Variants in CHD1L observed in about 807,000 individuals in gnomAD.
CHD1L encodes ATP-dependent chromatin remodeler CHD1L.
CHD1L carries 118 observed loss-of-function variants against 115.9 expected under a neutral mutation model. The ratio of observed to expected loss-of-function variants is 1.02; its 90% confidence interval spans 0.88 to 1.19. CHD1L has a LOEUF of 1.19. CHD1L is among the 50% of genes most tolerant of loss of function. The pLI is 0.00. For synonymous variants in CHD1L, 411 were observed against 387.1 expected, an observed-to-expected ratio of 1.06 and a Z score of -0.72; for missense variants, 1,179 against 1,065.3, an observed-to-expected ratio of 1.11 and a Z score of -1.49.
chr1:147,181,657 G>C, the CHD1L span, among the ~76,000 whole-genome samples: 1 of 152,184 alleles, frequency 6.6e-6, no homozygotes, highest in African/African-American at 2.4e-5. Context: ...TTCAGAAAAG[G>C]CAAGTCACCA....
chr1:147,242,425 G>C (rs1379372664), upstream of CHD1L, among the ~76,000 whole-genome samples: 2 of 152,228 alleles, frequency 1.3e-5, no homozygotes, highest in Non-Finnish European at 2.9e-5. Flanking sequence ...TTGACGGGCA[G>C]TTCAGGCAAT....
At chr1:147,225,276 C>T in the CHD1L span, 1 of 925,610 alleles carries the variant, frequency 1.1e-6, no homozygotes, top group Non-Finnish European at 1.5e-6. Flanking sequence ...TGCTGCGGTA[C>T]CGGATCTCAC....
intron 1 of CHD1L, 146 bp from the exon 2 acceptor site, chr1:147,252,477 T>C: frequency 1.7e-6 from 1 of 581,532 alleles, no homozygotes; most frequent in Non-Finnish European, 3.0e-6. Flanking sequence ...TGTTTAGATA[T>C]CCATAACTCC....
rs782283956 is a variant in CHD1L, at chr1:147,291,519, TGA to T, written c.2359_2360del (p.Asp787Ter). The T allele has an allele frequency of 1.9e-6, 3 of 1,613,906 alleles. No homozygotes were observed. The African/African-American group carries it at 4.0e-5, about 22-fold the overall frequency. ...LGGVLLFPVD[D>X]KESRNKGQDL... ...GAGGTGTCCTTTTATTTCCTGTTGA[TGA>T]TAAAGAATCAAGAAACAAAGGGCAA... On this transcript the variant is annotated frameshift_variant, in exon 20 of 23. Transcript: ENST00000369258. LOFTEE classifies it high-confidence loss of function.
At chr1:147,173,685 T>A in the CHD1L span, 1 of 152,220 alleles carries the variant, frequency 6.6e-6, no homozygotes, top group South Asian at 2.1e-4. Context: ...TAGAAACGTT[T>A]ATCACTCTGT....
chr1:147,200,197 T>C, the CHD1L span, among the ~76,000 whole-genome samples: 1 of 152,226 alleles, frequency 6.6e-6, no homozygotes, highest in African/African-American at 2.4e-5. Context: ...GGTAAGCTGA[T>C]GTGTAACCCT....
chr1:147,175,072 G>A, the CHD1L span: 1 of 152,124 alleles, frequency 6.6e-6, no homozygotes, highest in African/African-American at 2.4e-5. Context: ...GCATCTGGAG[G>A]TTTATATTCC....
In CHD1L at chr1:147,286,417, A is replaced by G; in HGVS notation, c.2138A>G (p.Asp713Gly). 6.2e-7 allele frequency: 1 copy of G among 1,614,158 alleles called. No homozygotes were observed. Among genetic ancestry groups the G allele is most frequent in the East Asian group, 2.2e-5 (1 of 44,870 alleles). ...GCTGAGCTGGATTACCAAGACCCAG[A>G]TGCTACTTCCCTCAAGTACGTTAGT... ...SSAELDYQDP[D>G]ATSLKYVSGD... The change falls in exon 18 of 23, where the codon GAT becomes GGT. Residue 713 changes from aspartate to glycine, a missense_variant. Asp to Gly is a moderately conservative substitution (Grantham distance 94). Transcript: ENST00000369258.
chr1:147,281,899 TCTAG>T (rs1473248335), intron 15 of CHD1L, among the ~76,000 whole-genome samples: 1 of 152,236 alleles, frequency 6.6e-6, no homozygotes, highest in Non-Finnish European at 1.5e-5. Flanking sequence ...AATCATTAAA[TCTAG>T]CTAATGAACA....
chr1:147,282,390 A>C (rs189369924), intron 15 of CHD1L, among the ~76,000 whole-genome samples: 16 of 152,178 alleles, frequency 1.1e-4, no homozygotes, highest in Admixed American at 3.9e-4. Flanking sequence ...ATCTTCTCTC[A>C]ATTCCCCGCT....
intron 1 of CHD1L, among the ~76,000 whole-genome samples, chr1:147,249,227 T>C (rs1284071852): frequency 1.3e-5 from 2 of 152,168 alleles, no homozygotes; most frequent in African/African-American, 4.8e-5. Context: ...TTTCGATATT[T>C]GAAACATGTT....
the CHD1L span, among the ~76,000 whole-genome samples, chr1:147,234,723 G>C: frequency 4.8e-3 from 733 of 152,340 alleles, 1 homozygote; most frequent in African/African-American, 0.017. Flanking sequence ...CGTTCATCAA[G>C]ATGGGGAAGG....
chr1:147,286,247 G>A (rs376095024), intron 17 of CHD1L, 51 bp from the exon 18 acceptor site: 196 of 1,575,358 alleles, frequency 1.2e-4, no homozygotes, highest in Non-Finnish European at 1.6e-4. Context: ...GTGCTCCAAG[G>A]GAAATTGTGA....
the CHD1L span, chr1:147,186,854 G>A: frequency 6.4e-7 from 1 of 1,572,856 alleles, no homozygotes; most frequent in South Asian, 1.2e-5. Context: ...GAAGGCATCT[G>A]TAGATAAGCT....
the CHD1L span, among the ~76,000 whole-genome samples, chr1:147,194,278 T>C: frequency 6.6e-6 from 1 of 152,188 alleles, no homozygotes; most frequent in Non-Finnish European, 1.5e-5. Context: ...TCTTTGTCTC[T>C]TTAGATCTTT....
At chr1:147,283,712 T>C (rs1553963402) in intron 15 of CHD1L, among the ~76,000 whole-genome samples, 1 of 152,150 alleles carries the variant, frequency 6.6e-6, no homozygotes, top group African/African-American at 2.4e-5. Flanking sequence ...TCTCCACCCT[T>C]CTAGAGACCC....
At chr1:147,256,358 CTT>C (rs113079049) in intron 4 of CHD1L, among the ~76,000 whole-genome samples, 171 bp from the exon 5 acceptor site, 37,059 of 151,992 alleles carry the variant, frequency 0.24, 4,831 homozygotes, top group Non-Finnish European at 0.29. Flanking sequence ...AGGCTTTTCT[CTT>C]TGTTTTTAAG....
upstream of CHD1L, chr1:147,242,506 C>G (rs1665014637): frequency 2.1e-6 from 1 of 480,064 alleles, no homozygotes; most frequent in Admixed American, 4.5e-5. Context: ...GCAGCCCTTC[C>G]ACGCTCCGCA....
chr1:147,259,963 T>A lies in CHD1L; in HGVS notation c.576+45T>A, dbSNP rs1553942939. ...TTAGTTTTTATATAACCCCTTCTTT[T>A]TAAATATACATTATATTTTAGAGTA... On this transcript the variant is annotated intron_variant, in intron 6 of 22. Transcript: ENST00000369258. The A allele has an allele frequency of 2.9e-6, 4 of 1,367,558 alleles. 1 individual carries two copies. In the South Asian group the frequency reaches 4.9e-5, roughly 17 times the overall value. The allele number at this position is 1,367,558 out of a possible 1,614,324, so 84.7% of individuals were successfully genotyped here. A position where few individuals can be genotyped will look rare whatever the true frequency, so the allele number is the denominator to read the frequency against.
Sources: gnomAD v4.1 joint callset for allele counts (sites outside exome capture counted in the v4.1 genomes callset) on GRCh38, gnomAD v4.1.1 for gene constraint, MANE v1.5 for transcripts, NCBI Gene and HGNC (gene_info 2026-07-23, HGNC 2026-07-21) for gene names.